GPC6: variants seen among roughly 807,000 people sequenced by gnomAD.
GPC6 encodes the protein glypican-6.
A neutral mutation model predicts 55.2 loss-of-function variants in GPC6; 14 were observed. That is an observed-to-expected ratio of 0.25 (90% CI 0.17 to 0.40). The LOEUF is 0.40. Among genes scored for constraint, GPC6 ranks in the 10% least tolerant of loss-of-function variants. The probability of loss-of-function intolerance (pLI) is 1.00; values close to 1 mark genes in which losing one functional copy is unlikely to be tolerated. For missense variants in GPC6, 641 were observed against 708.5 expected, an observed-to-expected ratio of 0.90 and a Z score of 1.08; for synonymous variants, 278 against 259.6, an observed-to-expected ratio of 1.07 and a Z score of -0.68.
chr13:93,685,663 T>G (rs1011407862), intron 2 of GPC6, among the ~76,000 whole-genome samples: 2 of 152,156 alleles, frequency 1.3e-5, no homozygotes, highest in African/African-American at 4.8e-5. Flanking sequence ...CTGGTGCTGA[T>G]GAGCCTGGAG....
In GPC6 at chr13:93,542,133, A is replaced by C. The variant is rs534026809; in HGVS notation, c.161-3130A>C. ...TCCTGAATGCTAATGCCTAGGTTTT[A>C]TTCTAGGGTTTTTATGGTTTTAGGT... is the stretch of plus-strand genomic sequence containing the variant. On this transcript the variant is annotated intron_variant, in intron 1 of 8. Coordinates refer to ENST00000377047, the MANE Select transcript of GPC6 (RefSeq NM_005708.5). 7.6e-4 allele frequency among the ~76,000 whole-genome samples: 116 copies of C among 152,148 alleles called. 2 individuals are homozygous for C. Among genetic ancestry groups the C allele is most frequent in the African/African-American group, 1.8e-3 (75 of 41,522 alleles).
Position 93,948,435 on chromosome 13 carries a change from C to A in GPC6, c.712-79294C>A, listed in dbSNP as rs60143898. 9.5e-3 allele frequency among the ~76,000 whole-genome samples: 1,448 copies of A among 152,256 alleles called. 22 individuals are homozygous for A. The highest frequency in any genetic ancestry group is 0.033 in the African/African-American group (1,375 of 41,544). On this transcript the variant is annotated intron_variant, in intron 3 of 8. Transcript: ENST00000377047. ...ACTTGTTCTACAGCTTGATTCCTAG[C>A]TGTGGATTCATTTAATCATGTTTCA... is the stretch of plus-strand genomic sequence containing the variant.
chr13:93,575,550 G>A (rs1157892326), intron 2 of GPC6, among the ~76,000 whole-genome samples: 1 of 152,078 alleles, frequency 6.6e-6, no homozygotes, highest in Non-Finnish European at 1.5e-5. Flanking sequence ...GGTCCATGGA[G>A]CATCCTTTGA....
At chr13:94,224,666 G>A (rs1038108446) in intron 4 of GPC6, among the ~76,000 whole-genome samples, 3 of 152,020 alleles carry the variant, frequency 2.0e-5, no homozygotes, top group Non-Finnish European at 4.4e-5. Flanking sequence ...GGTGGAGAAG[G>A]ACTCTCTGTT....
chr13:94,054,458 A>G (rs1052444938), intron 4 of GPC6, among the ~76,000 whole-genome samples: 22 of 152,288 alleles, frequency 1.4e-4, no homozygotes, highest in African/African-American at 5.3e-4. Flanking sequence ...GGGGTGGGGA[A>G]TGTGTGTTTC....
chr13:94,165,769 A>G (rs1888348308), intron 4 of GPC6, among the ~76,000 whole-genome samples: 2 of 152,332 alleles, frequency 1.3e-5, no homozygotes, highest in South Asian at 4.1e-4. Flanking sequence ...TACTTTAACA[A>G]TAGTTTCTTT....
At chr13:93,454,061 A>T (rs897674765) in intron 1 of GPC6, among the ~76,000 whole-genome samples, 6 of 152,124 alleles carry the variant, frequency 3.9e-5, no homozygotes, top group African/African-American at 1.2e-4. Flanking sequence ...CAGATTAGTT[A>T]GATACAGAGT....
chr13:93,765,942 T>C (rs1435688932), intron 2 of GPC6, among the ~76,000 whole-genome samples: 1 of 152,204 alleles, frequency 6.6e-6, no homozygotes, highest in African/African-American at 2.4e-5. Context: ...AAATGCAACC[T>C]TGCCTCCTAT....
At chr13:93,812,173 G>A (rs1156776227) in intron 2 of GPC6, among the ~76,000 whole-genome samples, 3 of 150,116 alleles carry the variant, frequency 2.0e-5, no homozygotes, top group African/African-American at 7.3e-5. Context: ...GGTGGATCAC[G>A]AGGTCGGGAG....
chr13:93,952,453 T>C lies in GPC6; in HGVS notation c.712-75276T>C, dbSNP rs190183625. Among the ~76,000 whole-genome samples, 431 of 152,220 alleles carry C rather than the reference T, an allele frequency of 2.8e-3. 1 individual carries two copies. The highest frequency in any genetic ancestry group is 5.0e-3 in the Non-Finnish European group (340 of 67,986). ...AACTTCTTGAGTTTTAATTTCCTTATATGAACATGGAACAATAATACTGGA... is the reference window on the plus strand; with the variant it reads ...AACTTCTTGAGTTTTAATTTCCTTACATGAACATGGAACAATAATACTGGA... On this transcript the variant is annotated intron_variant, in intron 3 of 8. Coordinates refer to ENST00000377047, the MANE Select transcript of GPC6 (RefSeq NM_005708.5).
chr13:93,537,058 T>C (rs1882091270), intron 1 of GPC6, among the ~76,000 whole-genome samples: 1 of 152,156 alleles, frequency 6.6e-6, no homozygotes, highest in South Asian at 2.1e-4. Context: ...TAATGAGTGG[T>C]GCCTGCTTAG....
Position 93,477,668 on chromosome 13 carries a change from C to G in GPC6, c.161-67595C>G, listed in dbSNP as rs1879348824. Among the ~76,000 whole-genome samples the G allele has an allele frequency of 2.0e-5, 3 of 152,140 alleles. No individual in the cohort carries two copies. In the South Asian group the frequency reaches 6.2e-4, roughly 31 times the overall value. ...GCCATATTTGAAAATGTGCATATAA[C>G]TTACAGAATTGAGAGTTGGTACTCT... On this transcript the variant is annotated intron_variant, in intron 1 of 8. Transcript: ENST00000377047.
intron 1 of GPC6, among the ~76,000 whole-genome samples, chr13:93,260,234 A>G (rs759924010): frequency 5.6e-4 from 86 of 152,234 alleles, no homozygotes; most frequent in Non-Finnish European, 9.7e-4. Flanking sequence ...TTGAAGAGAA[A>G]CAATCTATGC....
At chr13:93,795,612 A>G (rs1479289123) in intron 2 of GPC6, among the ~76,000 whole-genome samples, 2 of 152,254 alleles carry the variant, frequency 1.3e-5, no homozygotes, top group Non-Finnish European at 2.9e-5. Context: ...GTGCCTTATT[A>G]TGAATGTTTG....
chr13:93,521,258 G>A (rs998031039), intron 1 of GPC6, among the ~76,000 whole-genome samples: 1 of 151,846 alleles, frequency 6.6e-6, no homozygotes, highest in African/African-American at 2.4e-5. Context: ...GAGAGATACA[G>A]AAGTCTAAGA....
At chr13:93,470,137 A>C (rs976323683) in intron 1 of GPC6, among the ~76,000 whole-genome samples, 4 of 151,830 alleles carry the variant, frequency 2.6e-5, no homozygotes, top group Non-Finnish European at 5.9e-5. Context: ...CAGCTTGTCT[A>C]TACTGACAAA....
chr13:93,694,847 A>G (rs905825177), intron 2 of GPC6, among the ~76,000 whole-genome samples: 2 of 151,972 alleles, frequency 1.3e-5, no homozygotes, highest in Admixed American at 6.6e-5. Flanking sequence ...ACATTCACCT[A>G]TGTTGTCATT....
At chr13:94,186,349 G>T (rs565491469) in intron 4 of GPC6, among the ~76,000 whole-genome samples, 21 of 152,238 alleles carry the variant, frequency 1.4e-4, no homozygotes, top group Admixed American at 7.8e-4. Flanking sequence ...ACTTAAAGAT[G>T]CTTGCAAGCC....
intron 3 of GPC6, among the ~76,000 whole-genome samples, chr13:94,024,300 C>T (rs1363759072): frequency 2.6e-5 from 4 of 152,144 alleles, no homozygotes; most frequent in East Asian, 3.9e-4. Flanking sequence ...ATTTTTTAAA[C>T]TATTTTTGAG....
Sources: gnomAD v4.1 joint callset for allele counts (sites outside exome capture counted in the v4.1 genomes callset) on GRCh38, gnomAD v4.1.1 for gene constraint, MANE v1.5 for transcripts, NCBI Gene and HGNC (gene_info 2026-07-23, HGNC 2026-07-21) for gene names.